Variants in ANO2 observed in about 807,000 individuals in gnomAD.
ANO2 encodes anoctamin-2.
ANO2 carries 101 observed loss-of-function variants against 124.2 expected under a neutral mutation model. The observed-to-expected ratio is 0.81, with a 90% CI of 0.69 to 0.96. The LOEUF (loss-of-function observed/expected upper bound fraction) is 0.96. Ranked by LOEUF, ANO2 falls within the 40% of genes least tolerant of loss-of-function variation. The pLI, the probability that ANO2 is intolerant of heterozygous loss-of-function variation, is 0.00. For synonymous variants in ANO2, 486 were observed against 482.5 expected, an observed-to-expected ratio of 1.01 and a Z score of -0.09; for missense variants, 1,293 against 1,274.5, an observed-to-expected ratio of 1.01 and a Z score of -0.22.
At position 5,904,984 on chromosome 12, in the gene ANO2, T is replaced by TA. The variant is rs1940574831; in HGVS notation, c.534+16055dup. Among the ~76,000 whole-genome samples, 5 of 152,330 alleles carry TA rather than the reference T, an allele frequency of 3.3e-5. No individual in the cohort carries two copies. In the South Asian group the frequency reaches 1.0e-3, roughly 32 times the overall value. ...GTTCTTCTCCTCCCCTGAACTTTCT[T>TA]AAGTGGCTGACAATCCAAACAGTGG... On this transcript the variant is annotated intron_variant, in intron 3 of 24. Transcript: ENST00000682330. The surrounding 1 kb of genome is among the most constrained non-coding windows in gnomAD (Gnocchi z 4.1).
chr12:5,603,860 G>A (rs1944068463), intron 19 of ANO2, among the ~76,000 whole-genome samples: 1 of 143,162 alleles, frequency 7.0e-6, no homozygotes, highest in Admixed American at 7.4e-5. Context: ...CAGGAGAATG[G>A]CATGAACCCG....
chr12:5,778,937 T>C (rs73253298), intron 10 of ANO2, among the ~76,000 whole-genome samples: 5,250 of 152,262 alleles, frequency 0.034, 303 homozygotes, highest in African/African-American at 0.12. Flanking sequence ...GTCTGATTTA[T>C]TTTTTGGTTC....
chr12:5,718,718 A>G (rs1256524129), intron 14 of ANO2, among the ~76,000 whole-genome samples: 1 of 152,220 alleles, frequency 6.6e-6, no homozygotes, highest in Admixed American at 6.5e-5. Context: ...AGATTCAGTC[A>G]ATGGAAGGTA....
At chr12:5,630,204 C>T (rs1274270545) in intron 16 of ANO2, among the ~76,000 whole-genome samples, 1 of 152,202 alleles carries the variant, frequency 6.6e-6, no homozygotes, top group East Asian at 1.9e-4. Context: ...TACTCACAGC[C>T]TCCTCAACTA....
intron 15 of ANO2, among the ~76,000 whole-genome samples, chr12:5,641,186 G>A (rs1946366940): frequency 7.0e-6 from 1 of 143,366 alleles, no homozygotes; most frequent in Non-Finnish European, 1.5e-5. Context: ...AGAACACTTG[G>A]ACACAGGGCG....
chr12:5,589,543 C>G (rs1333175980), intron 20 of ANO2, among the ~76,000 whole-genome samples: 1 of 152,198 alleles, frequency 6.6e-6, no homozygotes, highest in African/African-American at 2.4e-5. Flanking sequence ...AGTTACCCCC[C>G]TTTACAGGCT....
rs115179075 is a variant in ANO2 at position 5,822,043 on chromosome 12, C to T, written c.892+5726G>A. Among the ~76,000 whole-genome samples, 490 of 152,278 alleles carry T rather than the reference C, an allele frequency of 3.2e-3. 3 individuals carry two copies. Among genetic ancestry groups the T allele is most frequent in the African/African-American group, 0.011 (473 of 41,558 alleles). ...GGTCTGCACAATACGCAGGCACCAC[C>T]CAAAAGTGGACAGCTGCAGCAGCAC... is the stretch of plus-strand genomic sequence containing the variant. On this transcript the variant is annotated intron_variant, in intron 7 of 24. Coordinates refer to ENST00000682330, the MANE Select transcript of ANO2 (RefSeq NM_001364791.2).
chr12:5,649,035 C>G (rs1017024496), intron 14 of ANO2, among the ~76,000 whole-genome samples: 3 of 152,174 alleles, frequency 2.0e-5, no homozygotes, highest in African/African-American at 7.2e-5. Context: ...GATCTTGGTG[C>G]CACGCACAGT....
intron 3 of ANO2, among the ~76,000 whole-genome samples, chr12:5,906,583 T>C (rs1306295433): frequency 6.6e-6 from 1 of 151,690 alleles, no homozygotes; most frequent in Non-Finnish European, 1.5e-5. Context: ...GATCACGAGG[T>C]CAAGAGATTG....
At chr12:5,695,433 A>G (rs1949128012) in intron 14 of ANO2, among the ~76,000 whole-genome samples, 1 of 152,244 alleles carries the variant, frequency 6.6e-6, no homozygotes, top group African/African-American at 2.4e-5. Flanking sequence ...AGTACCAAAA[A>G]AATCAACATC....
chr12:5,680,190 CTTCA>C (rs1434778744), intron 14 of ANO2, among the ~76,000 whole-genome samples: 1 of 152,104 alleles, frequency 6.6e-6, no homozygotes, highest in African/African-American at 2.4e-5. Flanking sequence ...GGATGCTGGG[CTTCA>C]TTCCTAGCTG....
chr12:5,806,170 T>G, intron 8 of ANO2, 77 bp from the exon 9 acceptor site: 2 of 1,438,846 alleles, frequency 1.4e-6, no homozygotes, highest in Non-Finnish European at 1.9e-6. Flanking sequence ...GGATTTTCTT[T>G]TTTATTTTCT....
intron 23 of ANO2, among the ~76,000 whole-genome samples, chr12:5,566,265 G>C (rs1210920462): frequency 6.6e-6 from 1 of 152,178 alleles, no homozygotes; most frequent in Admixed American, 6.5e-5. Flanking sequence ...CATCACAGTT[G>C]ATCAGTATTC....
chr12:5,716,415 C>T (rs1346182443), intron 14 of ANO2, among the ~76,000 whole-genome samples: 1 of 152,148 alleles, frequency 6.6e-6, no homozygotes, highest in Admixed American at 6.5e-5. Context: ...TTTCATGACT[C>T]ACTACAGGCT....
In ANO2 at chr12:5,938,630, G is replaced by A. The variant is rs140192221; in HGVS notation, c.22+6566C>T. 4.1e-3 allele frequency among the ~76,000 whole-genome samples: 622 copies of A among 152,094 alleles called. 5 individuals carry two copies. The highest frequency in any genetic ancestry group is 0.014 in the African/African-American group (583 of 41,474). On this transcript the variant is annotated intron_variant, in intron 1 of 24. Transcript: ENST00000682330. The stretch of plus-strand genomic sequence containing the variant: ...GAGGTCAGGAGTTCAAGACCAGCCT[G>A]GCCAACATGGTGAAACTCCGTCTCT...
intron 10 of ANO2, among the ~76,000 whole-genome samples, chr12:5,768,555 G>C (rs1466882942): frequency 6.6e-6 from 1 of 152,172 alleles, no homozygotes; most frequent in Non-Finnish European, 1.5e-5. Context: ...CAGGAATCAT[G>C]GCCCTTCTCT....
chr12:5,883,485 G>A (rs11063904), intron 3 of ANO2, among the ~76,000 whole-genome samples: 15 of 150,280 alleles, frequency 1.0e-4, no homozygotes, highest in East Asian at 2.0e-4. Flanking sequence ...GCATGTGTGC[G>A]TGTTTGACAT....
At chr12:5,645,626 T>G (rs1483108981) in intron 15 of ANO2, among the ~76,000 whole-genome samples, 1 of 152,228 alleles carries the variant, frequency 6.6e-6, no homozygotes, top group Non-Finnish European at 1.5e-5. Flanking sequence ...TTAAGGTTGC[T>G]GTTTTAACCT....
chr12:5,588,047 G>T (rs1321164319), intron 20 of ANO2, among the ~76,000 whole-genome samples: 10 of 152,254 alleles, frequency 6.6e-5, no homozygotes, highest in Admixed American at 5.2e-4. Flanking sequence ...GGATCTCAGG[G>T]AAAGAGGCTG....
Sources: allele counts gnomAD v4.1 joint callset (sites outside exome capture counted in the v4.1 genomes callset), GRCh38; gene constraint gnomAD v4.1.1; non-coding constraint Gnocchi (gnomAD v3.1); transcripts MANE v1.5; gene names NCBI Gene and HGNC (gene_info 2026-07-23, HGNC 2026-07-21).